The following MCTP2 variants were observed in gnomAD, a reference collection of about 807,000 sequenced individuals.
The protein encoded by MCTP2 is multiple C2 and transmembrane domain containing 2.
In MCTP2, 132 loss-of-function variants were observed where a neutral mutation model predicts 111.6. The observed-to-expected ratio is 1.18, with a 90% confidence interval of 1.03 to 1.37. The LOEUF (loss-of-function observed/expected upper bound fraction) is 1.37, where lower values mean the gene tolerates loss of function less well. MCTP2 is among the 40% of genes most tolerant of loss of function. The pLI is 0.00. For missense variants in MCTP2, 1,183 were observed against 1,067.9 expected (o/e 1.11, Z -1.50); for synonymous variants, 395 against 387.7 (o/e 1.02, Z -0.22).
intron 20 of MCTP2, among the ~76,000 whole-genome samples, chr15:94,466,219 A>G (rs2073281107): frequency 6.6e-6 from 1 of 152,102 alleles, no homozygotes; most frequent in African/African-American, 2.4e-5. Flanking sequence ...AATATCTGAA[A>G]TCTTTTCTTT....
intron 1 of MCTP2, among the ~76,000 whole-genome samples, chr15:94,275,349 G>A (rs991646530): frequency 2.4e-4 from 36 of 152,046 alleles, no homozygotes; most frequent in African/African-American, 8.5e-4. Context: ...AGGTTGTACA[G>A]ATACAAAATC....
chr15:94,480,729 C>T lies in MCTP2; in HGVS notation c.*1695C>T, dbSNP rs1209528483. 6.6e-6 allele frequency: 1 copy of T among 152,154 alleles called. No individual in the cohort carries two copies. The highest frequency in any genetic ancestry group is 1.5e-5 in the Non-Finnish European group (1 of 68,028). 9.4% of individuals were successfully genotyped at this position (152,154 alleles called of 1,614,324 possible). On this transcript the variant is annotated 3_prime_UTR_variant, in exon 23 of 23. Coordinates refer to ENST00000357742, the MANE Select transcript of MCTP2 (RefSeq NM_001385001.1). ...AACAGACATGTGAGATCTGATCAGT[C>T]ATTTGAATGAAAACTTTCAGCAGCA... is the stretch of plus-strand genomic sequence containing the variant.
intron 8 of MCTP2, among the ~76,000 whole-genome samples, chr15:94,354,303 G>A (rs531262790): frequency 1.8e-4 from 28 of 152,220 alleles, no homozygotes; most frequent in Admixed American, 8.5e-4. Flanking sequence ...TAGACTTTGT[G>A]TCCCCACCCA....
intron 1 of MCTP2, among the ~76,000 whole-genome samples, chr15:94,279,706 A>G (rs1460533054): frequency 2.6e-5 from 4 of 152,174 alleles, no homozygotes; most frequent in Non-Finnish European, 5.9e-5. Flanking sequence ...CTCAAGGAGA[A>G]TGCTTCCAGG....
At chr15:94,399,369 C>T (rs1474982198) in intron 15 of MCTP2, among the ~76,000 whole-genome samples, 1 of 152,114 alleles carries the variant, frequency 6.6e-6, no homozygotes, top group African/African-American at 2.4e-5. Context: ...TGGAGAAGGA[C>T]TTGAATCTGA....
intron 1 of MCTP2, among the ~76,000 whole-genome samples, chr15:94,244,020 CAT>C (rs1304620224): frequency 2.7e-5 from 4 of 146,274 alleles, no homozygotes; most frequent in East Asian, 4.2e-4. Flanking sequence ...TATGTATACA[CAT>C]ACGTATGTGT....
intron 4 of MCTP2, among the ~76,000 whole-genome samples, chr15:94,327,603 C>T (rs929547965): frequency 1.3e-5 from 2 of 152,204 alleles, no homozygotes; most frequent in Admixed American, 1.3e-4. Flanking sequence ...AATTGTTGTT[C>T]AAGAGCAAAT....
intron 1 of MCTP2, among the ~76,000 whole-genome samples, chr15:94,274,443 A>G (rs1332797238): frequency 1.3e-5 from 2 of 152,148 alleles, no homozygotes; most frequent in Non-Finnish European, 2.9e-5. Flanking sequence ...AAATAAAATC[A>G]ACAGAGGAAA....
intron 17 of MCTP2, among the ~76,000 whole-genome samples, chr15:94,413,972 C>G (rs1470270073): frequency 6.6e-6 from 1 of 152,084 alleles, no homozygotes; most frequent in Non-Finnish European, 1.5e-5. Context: ...AATGCAAACT[C>G]TAAAGGATAA....
intron 1 of MCTP2, among the ~76,000 whole-genome samples, chr15:94,270,490 A>T (rs1395719564): frequency 1.3e-5 from 2 of 152,028 alleles, no homozygotes; most frequent in Non-Finnish European, 2.9e-5. Context: ...ATGTCCACAG[A>T]CTGGCCTACA....
intron 9 of MCTP2, 83 bp downstream of exon 9, chr15:94,356,384 A>C: frequency 7.7e-7 from 1 of 1,302,830 alleles, no homozygotes; most frequent in South Asian, 1.8e-5. Context: ...TAAATTTTAC[A>C]AAAGTAGAAG....
intron 12 of MCTP2, among the ~76,000 whole-genome samples, chr15:94,382,130 A>C (rs911646737): frequency 1.3e-5 from 2 of 152,226 alleles, no homozygotes; most frequent in Non-Finnish European, 1.5e-5. Context: ...GAGGCAAAGA[A>C]GCAGGAGTAG....
chr15:94,444,002 A>AAAAAAAAG, intron 19 of MCTP2, among the ~76,000 whole-genome samples: 1 of 149,702 alleles, frequency 6.7e-6, no homozygotes, highest in South Asian at 2.1e-4. Context: ...AAAAAAAAAA[A>AAAAAAAAG]AAAACAGAAG....
chr15:94,467,436 G>T (rs928456841), intron 20 of MCTP2, among the ~76,000 whole-genome samples: 22 of 48,232 alleles, frequency 4.6e-4, no homozygotes, highest in African/African-American at 2.1e-3. Flanking sequence ...AATCAAATAT[G>T]ACCAATGGAA....
intron 4 of MCTP2, among the ~76,000 whole-genome samples, chr15:94,330,068 C>A (rs907305198): frequency 6.6e-6 from 1 of 152,172 alleles, no homozygotes; most frequent in Non-Finnish European, 1.5e-5. Flanking sequence ...TTTTTCTATG[C>A]CTGGCTTATT....
intron 17 of MCTP2, among the ~76,000 whole-genome samples, chr15:94,430,084 C>A (rs1187817095): frequency 6.6e-6 from 1 of 152,174 alleles, no homozygotes; most frequent in Non-Finnish European, 1.5e-5. Context: ...TAACTCTAAC[C>A]TGGTCTTTTC....
chr15:94,263,603 A>G (rs2073330258), intron 1 of MCTP2, among the ~76,000 whole-genome samples: 1 of 152,230 alleles, frequency 6.6e-6, no homozygotes, highest in African/African-American at 2.4e-5. Context: ...AGACAACACT[A>G]CAGCTTTATG....
intron 19 of MCTP2, among the ~76,000 whole-genome samples, chr15:94,449,525 T>C (rs2084315932): frequency 6.6e-6 from 1 of 152,226 alleles, no homozygotes; most frequent in African/African-American, 2.4e-5. Context: ...CCAATGTTTA[T>C]TGATGTCTTT....
chr15:94,370,143 T>C lies in MCTP2; in HGVS notation c.1545T>C (p.Val515=). 6.2e-7 allele frequency: 1 copy of C among 1,613,538 alleles called. No homozygotes were observed. The highest frequency in any genetic ancestry group is 8.5e-7 in the Non-Finnish European group (1 of 1,179,700). ...VKDVGILQVK[V]LKAADLLAAD... ...ACGTCGGCATTCTACAAGTGAAGGT[T>C]TTAAAGGCAGCAGATCTCTTAGCGG... Residue 515 remains valine (V), a synonymous_variant, in exon 12 of 23, where the codon GTT becomes GTC. Coordinates refer to ENST00000357742, the MANE Select transcript of MCTP2 (RefSeq NM_001385001.1).
Sources: gnomAD v4.1 joint callset for allele counts (sites outside exome capture counted in the v4.1 genomes callset) on GRCh38, gnomAD v4.1.1 for gene constraint, MANE v1.5 for transcripts, NCBI Gene and HGNC (gene_info 2026-07-23, HGNC 2026-07-21) for gene names.